PLCB1: variants seen among roughly 807,000 people sequenced by gnomAD.
The protein encoded by PLCB1 is phospholipase C beta 1, also known as 1-phosphatidylinositol 4,5-bisphosphate phosphodiesterase beta-1.
A neutral mutation model predicts 161.8 loss-of-function variants in PLCB1; 46 were observed. That is an observed-to-expected ratio of 0.28 (90% confidence interval 0.22 to 0.36). The LOEUF (loss-of-function observed/expected upper bound fraction) is 0.36. Among genes scored for constraint, PLCB1 ranks in the 10% least tolerant of loss-of-function variants. The pLI, the probability that PLCB1 is intolerant of heterozygous loss-of-function variation, is 1.00. For missense variants in PLCB1, 1,016 were observed against 1,472.5 expected (o/e 0.69, Z 5.07); for synonymous variants, 517 against 503.7 (o/e 1.03, Z -0.35).
intron 25 of PLCB1, among the ~76,000 whole-genome samples, chr20:8,761,188 G>A (rs967207877): frequency 6.6e-6 from 1 of 152,088 alleles, no homozygotes; most frequent in Non-Finnish European, 1.5e-5. Flanking sequence ...TAATGTTGAG[G>A]AAAAAAGTCA....
chr20:8,614,292 G>A (rs1987987717), intron 3 of PLCB1, among the ~76,000 whole-genome samples: 1 of 151,616 alleles, frequency 6.6e-6, no homozygotes, highest in Non-Finnish European at 1.5e-5. Context: ...TTACACACCA[G>A]GAATTTATCC....
At chr20:8,234,744 G>A (rs1183754157) in intron 2 of PLCB1, among the ~76,000 whole-genome samples, 1 of 152,004 alleles carries the variant, frequency 6.6e-6, no homozygotes, top group Non-Finnish European at 1.5e-5. Context: ...TTGTTTTAGA[G>A]TAGAAGATCA....
At chr20:8,439,465 C>A (rs1483038715) in intron 3 of PLCB1, among the ~76,000 whole-genome samples, 1 of 152,072 alleles carries the variant, frequency 6.6e-6, no homozygotes, top group Non-Finnish European at 1.5e-5. Context: ...AACTTAGGTA[C>A]AGAAATACTC....
rs1252593990 is a variant in PLCB1, at chr20:8,417,546, C to T, written c.246+46096C>T. Among the ~76,000 whole-genome samples the T allele has an allele frequency of 3.3e-5, 5 of 151,776 alleles. No individual in the cohort carries two copies. In the East Asian group the frequency reaches 9.7e-4, roughly 30 times the overall value. ...ATTTGCATTGGTCGAGTGCCTTGTA[C>T]TACAACTACAATGTTGAATAGAACA... On this transcript the variant is annotated intron_variant, in intron 3 of 31. Coordinates refer to ENST00000338037, the MANE Select transcript of PLCB1 (RefSeq NM_015192.4).
chr20:8,142,017 T>A (rs1327685384), intron 1 of PLCB1: 1 of 152,232 alleles, frequency 6.6e-6, no homozygotes, highest in Non-Finnish European at 1.5e-5. Context: ...AGATCTATAT[T>A]ACTTGTGCAG....
intron 3 of PLCB1, among the ~76,000 whole-genome samples, chr20:8,490,435 G>A (rs1412031711): frequency 1.3e-5 from 2 of 152,202 alleles, no homozygotes; most frequent in African/African-American, 2.4e-5. Context: ...TCAGCTTCTG[G>A]TTAATAGGGT....
At chr20:8,500,305 A>C (rs1983352357) in intron 3 of PLCB1, among the ~76,000 whole-genome samples, 1 of 152,226 alleles carries the variant, frequency 6.6e-6, no homozygotes, top group Admixed American at 6.5e-5. Flanking sequence ...TTGTTTGAGA[A>C]TTCAAATATT....
In PLCB1 at chr20:8,765,344, G is replaced by A. The variant is rs751967802; in HGVS notation, c.2916G>A (p.Lys972=). 1.2e-5 allele frequency: 20 copies of A among 1,608,456 alleles called. No homozygotes were observed. Among genetic ancestry groups the A allele is most frequent in the Non-Finnish European group, 1.5e-5 (18 of 1,178,276 alleles). Residue 972 remains lysine (K), a synonymous_variant, in exon 26 of 32, where the codon AAG becomes AAA. Coordinates refer to ENST00000338037, the MANE Select transcript of PLCB1 (RefSeq NM_015192.4). Reference sequence around the variant, plus strand: ...CCGCTTTGGAAAAGTCCGCCAAAAAGGACAGTAAGAAAAAGTAAGTTCAAT... The same window carrying A: ...CCGCTTTGGAAAAGTCCGCCAAAAAAGACAGTAAGAAAAAGTAAGTTCAAT... ...RRAALEKSAK[K]DSKKKSEPSS...
intron 3 of PLCB1, among the ~76,000 whole-genome samples, chr20:8,490,182 A>T (rs1982888311): frequency 6.6e-6 from 1 of 152,148 alleles, no homozygotes; most frequent in Admixed American, 6.5e-5. Flanking sequence ...AGGCTTGAGC[A>T]CGTGCTTTGC....
chr20:8,759,984 C>T (rs1293567520), intron 24 of PLCB1, among the ~76,000 whole-genome samples: 2 of 139,286 alleles, frequency 1.4e-5, no homozygotes, highest in Admixed American at 1.6e-4. Context: ...CAGTCCACTG[C>T]AAACTCCACC....
intron 3 of PLCB1, among the ~76,000 whole-genome samples, chr20:8,591,060 G>A (rs986827313): frequency 1.3e-5 from 2 of 152,006 alleles, no homozygotes; most frequent in Non-Finnish European, 2.9e-5. Context: ...ACTTATAAGC[G>A]AGAACATGAG....
chr20:8,602,767 T>G (rs2223538), intron 3 of PLCB1, among the ~76,000 whole-genome samples: 120,891 of 152,220 alleles, frequency 0.79, 48,215 homozygotes, highest in East Asian at 0.85. Flanking sequence ...TTTAAAGGGA[T>G]TTTAATTTCT....
At chr20:8,167,671 C>A (rs987325669) in intron 2 of PLCB1, among the ~76,000 whole-genome samples, 1 of 152,144 alleles carries the variant, frequency 6.6e-6, no homozygotes, top group African/African-American at 2.4e-5. Context: ...AGTATTTTAT[C>A]ATTTCTTTTT....
chr20:8,198,140 C>A (rs113984812), intron 2 of PLCB1, among the ~76,000 whole-genome samples: 110 of 151,916 alleles, frequency 7.2e-4, no homozygotes, highest in African/African-American at 2.5e-3. Flanking sequence ...CTTGACAATG[C>A]GGGCTCTTTT....
At chr20:8,173,246 G>T (rs1206104480) in intron 2 of PLCB1, among the ~76,000 whole-genome samples, 8 of 152,108 alleles carry the variant, frequency 5.3e-5, no homozygotes, top group Non-Finnish European at 1.0e-4. Context: ...AGTGACACCG[G>T]TAAGAGGTAT....
At chr20:8,510,383 CTTTT>C in intron 3 of PLCB1, among the ~76,000 whole-genome samples, 1 of 119,820 alleles carries the variant, frequency 8.3e-6, no homozygotes, top group Admixed American at 8.9e-5. Flanking sequence ...TTTTCTTTTT[CTTTT>C]TTTTTTTTTT....
intron 3 of PLCB1, among the ~76,000 whole-genome samples, chr20:8,492,856 G>A (rs1227842595): frequency 2.0e-5 from 3 of 151,528 alleles, no homozygotes; most frequent in South Asian, 2.1e-4. Context: ...ATATGTGTGT[G>A]TGTGTGTGTG....
chr20:8,195,080 T>G (rs1241090375), intron 2 of PLCB1, among the ~76,000 whole-genome samples: 1 of 152,078 alleles, frequency 6.6e-6, no homozygotes, highest in African/African-American at 2.4e-5. Flanking sequence ...GCAGCCTCTT[T>G]CCCTGCTTTA....
At chr20:8,772,984 G>A (rs376436388) in intron 26 of PLCB1, among the ~76,000 whole-genome samples, 6 of 152,314 alleles carry the variant, frequency 3.9e-5, no homozygotes, top group African/African-American at 1.2e-4. Context: ...ACTATGTCAT[G>A]CCAAGAGGAA....
Sources: allele counts gnomAD v4.1 joint callset (sites outside exome capture counted in the v4.1 genomes callset), GRCh38; gene constraint gnomAD v4.1.1; transcripts MANE v1.5; gene names NCBI Gene and HGNC (gene_info 2026-07-23, HGNC 2026-07-21).